The following ASIC2 variants were observed in gnomAD, a reference collection of about 807,000 sequenced individuals.
ASIC2 encodes acid sensing ion channel subunit 2.
A neutral mutation model predicts 57.3 loss-of-function variants in ASIC2; 25 were observed. That is an observed-to-expected ratio of 0.44 (90% CI 0.32 to 0.61). The LOEUF is 0.61. Ranked by LOEUF, ASIC2 falls within the 20% of genes least tolerant of loss-of-function variation. ASIC2 has a pLI of 0.06. For synonymous variants in ASIC2, 319 were observed against 307.5 expected (o/e 1.04, Z -0.39); for missense variants, 641 against 738.1 (o/e 0.87, Z 1.52).
rs546552310 is a variant in ASIC2 at position 33,024,215 on chromosome 17, T to C, written c.1196-201A>G. On this transcript the variant is annotated intron_variant, in intron 5 of 9. Coordinates refer to ENST00000225823, the MANE Select transcript of ASIC2 (RefSeq NM_183377.2). ...TTGTTTTCCTTCTGCTTCTTTTAAC[T>C]GTCATGTCACTCTTTAAAAATTGTT... 2.6e-5 allele frequency among the ~76,000 whole-genome samples: 4 copies of C among 152,328 alleles called. No homozygotes were observed. The South Asian group carries it at 8.3e-4, about 32-fold the overall frequency.
At chr17:33,449,362 G>A (rs1337139728) in intron 1 of ASIC2, among the ~76,000 whole-genome samples, 1 of 152,200 alleles carries the variant, frequency 6.6e-6, no homozygotes, top group East Asian at 1.9e-4. Flanking sequence ...CTTGTGGGCT[G>A]TAGCTACCTG....
At chr17:33,114,632 T>C (rs1218993578) in intron 1 of ASIC2, among the ~76,000 whole-genome samples, 4 of 152,228 alleles carry the variant, frequency 2.6e-5, no homozygotes, top group Admixed American at 2.0e-4. Context: ...TCAGCTGTGA[T>C]CTTGGCCCTG....
chr17:33,939,827 C>T (rs1916146523), intron 1 of ASIC2, among the ~76,000 whole-genome samples: 1 of 152,136 alleles, frequency 6.6e-6, no homozygotes, highest in Admixed American at 6.6e-5. Context: ...GATTTCTGTC[C>T]CTGCTGCAGT....
intron 1 of ASIC2, among the ~76,000 whole-genome samples, chr17:33,406,806 A>T (rs567162408): frequency 1.6e-4 from 24 of 152,372 alleles, no homozygotes; most frequent in African/African-American, 5.8e-4. Context: ...GTTTACAAGT[A>T]TAATGAGAGC....
rs150678663 is a variant in ASIC2, at chr17:33,312,957, A to C, written c.556-200890T>G. Among the ~76,000 whole-genome samples, 991 of 152,300 alleles carry C rather than the reference A, an allele frequency of 6.5e-3. 9 individuals carry two copies. Among genetic ancestry groups the C allele is most frequent in the Admixed American group, 0.012 (183 of 15,290 alleles). ...TTCTCAAGAGAGTCAGTGTGGAAGC[A>C]AAAACTCACGATCTTCCATATTGGT... is the stretch of plus-strand genomic sequence containing the variant. On this transcript the variant is annotated intron_variant, in intron 1 of 9. Coordinates refer to the ASIC2 transcript ENST00000359872.
chr17:33,023,716 C>A (rs535885471), intron 6 of ASIC2, 145 bp downstream of exon 6: 1 of 1,091,268 alleles, frequency 9.2e-7, no homozygotes, highest in South Asian at 1.6e-5. Context: ...GAACATGGAG[C>A]GCAGAGCGTG....
chr17:33,096,432 T>C (rs2092179888), intron 2 of ASIC2, among the ~76,000 whole-genome samples: 2 of 152,242 alleles, frequency 1.3e-5, no homozygotes, highest in Admixed American at 1.3e-4. Context: ...ATGAAGCACA[T>C]CTTCCCAGAA....
At position 33,013,255 on chromosome 17, in the gene ASIC2, C is replaced by T. The variant is rs1459151148; in HGVS notation, c.*710G>A. On this transcript the variant is annotated 3_prime_UTR_variant, in exon 10 of 10. Transcript: ENST00000225823. ...CCATCGGACAAACATAAAAGCCCCCCTACCCCAGATAAAAAGAATCAGACT... is the reference window on the plus strand; with the variant it reads ...CCATCGGACAAACATAAAAGCCCCCTTACCCCAGATAAAAAGAATCAGACT... 1 of 152,362 alleles carries T rather than the reference C, an allele frequency of 6.6e-6. No individual in the cohort carries two copies. Among genetic ancestry groups the T allele is most frequent in the Non-Finnish European group, 1.5e-5 (1 of 68,066 alleles). 9.4% of individuals were successfully genotyped at this position (152,362 alleles called of 1,614,324 possible).
intron 1 of ASIC2, among the ~76,000 whole-genome samples, chr17:33,496,090 C>T (rs6505347): frequency 0.046 from 6,983 of 152,166 alleles, 505 homozygotes; most frequent in African/African-American, 0.16. Flanking sequence ...TGATGAATGA[C>T]GCCACCTGAT....
chr17:33,962,216 T>C (rs894176354), intron 1 of ASIC2, among the ~76,000 whole-genome samples: 4 of 151,908 alleles, frequency 2.6e-5, no homozygotes, highest in African/African-American at 7.3e-5. Flanking sequence ...GGCACAGAAA[T>C]AAAACATGGG....
At chr17:34,131,978 T>C (rs1010939069) in intron 1 of ASIC2, among the ~76,000 whole-genome samples, 1 of 152,136 alleles carries the variant, frequency 6.6e-6, no homozygotes, top group Admixed American at 6.6e-5. Flanking sequence ...TGGAAACTTT[T>C]GTGACAATTG....
intron 1 of ASIC2, among the ~76,000 whole-genome samples, chr17:33,590,589 T>C (rs372817998): frequency 1.8e-4 from 27 of 148,112 alleles, no homozygotes; most frequent in Admixed American, 4.0e-4. Flanking sequence ...CCAATCTCTA[T>C]ACCACACCCC....
chr17:33,120,283 C>A (rs991074084), intron 1 of ASIC2, among the ~76,000 whole-genome samples: 1 of 152,198 alleles, frequency 6.6e-6, no homozygotes, highest in Non-Finnish European at 1.5e-5. Flanking sequence ...AAGACTGAAG[C>A]ACAGCCGGGG....
Position 33,021,240 on chromosome 17 carries a change from ACGCCTTCTTCTGTT to A in ASIC2, c.1406_1419del (p.Glu469ValfsTer2). 1 of 1,612,920 alleles carries A rather than the reference ACGCCTTCTTCTGTT, an allele frequency of 6.2e-7. No individual in the cohort carries two copies. Among genetic ancestry groups the A allele is most frequent in the Non-Finnish European group, 8.5e-7 (1 of 1,179,822 alleles). ...TTACCAAGTAAGGCAGCAACTTCAT[ACGCCTTCTTCTGTT>A]CAATTGTCTCATAATTGAGAGCTTC... On this transcript the variant is annotated frameshift_variant, in exon 7 of 10. Transcript: ENST00000225823. LOFTEE classifies it high-confidence loss of function.
rs117253487 is a variant in ASIC2, at chr17:33,596,247, A to G, written c.556-484180T>C. On this transcript the variant is annotated intron_variant, in intron 1 of 9. Transcript: ENST00000359872. ...CTCCTTCCTCTAATTATCAACATGTAGGCATGAAATGACTTTGTGACATGC... is the reference window on the plus strand; with the variant it reads ...CTCCTTCCTCTAATTATCAACATGTGGGCATGAAATGACTTTGTGACATGC... Among the ~76,000 whole-genome samples the G allele has an allele frequency of 9.9e-5, 15 of 152,236 alleles. No homozygotes were observed. In the East Asian group the frequency reaches 2.9e-3, roughly 29 times the overall value.
intron 1 of ASIC2, among the ~76,000 whole-genome samples, chr17:33,543,920 G>T (rs1291162107): frequency 6.6e-6 from 1 of 152,176 alleles, no homozygotes; most frequent in African/African-American, 2.4e-5. Flanking sequence ...TTTTTGAGAA[G>T]AGAGTACAGT....
intron 1 of ASIC2, among the ~76,000 whole-genome samples, chr17:33,941,798 T>C (rs1173072663): frequency 6.6e-6 from 1 of 152,130 alleles, no homozygotes; most frequent in Non-Finnish European, 1.5e-5. Context: ...AGAGGTTTGC[T>C]CATGGCTGGA....
chr17:33,405,000 T>A (rs112418712), intron 1 of ASIC2, among the ~76,000 whole-genome samples: 7 of 152,132 alleles, frequency 4.6e-5, no homozygotes, highest in African/African-American at 1.7e-4. Flanking sequence ...GTGGCTTATT[T>A]TTTTTTTTTT....
At chr17:33,786,237 A>C (rs1008579206) in intron 1 of ASIC2, among the ~76,000 whole-genome samples, 2 of 152,114 alleles carry the variant, frequency 1.3e-5, no homozygotes, top group African/African-American at 2.4e-5. Flanking sequence ...GTGAGCCCTG[A>C]GTTACCCTTT....
Sources: gnomAD v4.1 joint callset for allele counts (sites outside exome capture counted in the v4.1 genomes callset) on GRCh38, gnomAD v4.1.1 for gene constraint, MANE v1.5 for transcripts, NCBI Gene and HGNC (gene_info 2026-07-23, HGNC 2026-07-21) for gene names.